The following MBNL2 variants were observed in gnomAD, a reference collection of about 807,000 sequenced individuals.
The protein encoded by MBNL2 is muscleblind like splicing regulator 2, also known as muscleblind-like protein 2.
A neutral mutation model predicts 41.9 loss-of-function variants in MBNL2; 17 were observed. The ratio of observed to expected loss-of-function variants is 0.41; its 90% CI spans 0.28 to 0.61. The LOEUF (loss-of-function observed/expected upper bound fraction) is 0.61, where lower values mean the gene tolerates loss of function less well. MBNL2 is among the 20% of genes least tolerant of loss of function. The probability of loss-of-function intolerance (pLI) is 0.35; values close to 1 mark genes in which losing one functional copy is unlikely to be tolerated. For missense variants in MBNL2, 336 were observed against 505.6 expected (o/e 0.66, Z 3.22); for synonymous variants, 195 against 182.9 (o/e 1.07, Z -0.53).
chr13:97,283,035 A>T (rs1327433274), intron 2 of MBNL2, among the ~76,000 whole-genome samples: 1 of 152,056 alleles, frequency 6.6e-6, no homozygotes, highest in Admixed American at 6.6e-5. Context: ...TTCCTTTAAC[A>T]TCTCCGTTTC....
At chr13:97,203,393 C>T in the MBNL2 span, among the ~76,000 whole-genome samples, 1 of 152,212 alleles carries the variant, frequency 6.6e-6, no homozygotes, top group Admixed American at 6.5e-5. Flanking sequence ...CTCTGTACAC[C>T]ACCTGCAGCA....
the MBNL2 span, among the ~76,000 whole-genome samples, chr13:97,211,551 A>G: frequency 0.059 from 9,016 of 152,292 alleles, 315 homozygotes; most frequent in African/African-American, 0.072. Context: ...GCAGAGATCT[A>G]TAAAGCTGTG....
intron 2 of MBNL2, among the ~76,000 whole-genome samples, chr13:97,278,636 A>G (rs6491347): frequency 0.57 from 86,403 of 152,028 alleles, 24,824 homozygotes; most frequent in East Asian, 0.66. Flanking sequence ...ATAAAAACAT[A>G]AGCCAAGTTG....
chr13:97,360,842 A>T (rs2063338090), intron 7 of MBNL2, among the ~76,000 whole-genome samples: 2 of 152,230 alleles, frequency 1.3e-5, no homozygotes, highest in Non-Finnish European at 2.9e-5. Flanking sequence ...GCCTTCCTTG[A>T]TTTATTTCAT....
At position 97,288,038 on chromosome 13, in the gene MBNL2, T is replaced by G. The variant is rs544375739; in HGVS notation, c.174+11629T>G. Among the ~76,000 whole-genome samples the G allele has an allele frequency of 1.8e-3, 277 of 151,136 alleles. 1 individual carries two copies. Among genetic ancestry groups the G allele is most frequent in the African/African-American group, 6.4e-3 (263 of 41,150 alleles). On this transcript the variant is annotated intron_variant, in intron 2 of 8. Transcript: ENST00000679496. ...ATCCACCTGCTTCGGCCTCCCAAAG[T>G]GCTGGGATTACAGCCATGAGCCACC...
At chr13:97,250,882 C>G (rs1433648660) in intron 1 of MBNL2, among the ~76,000 whole-genome samples, 1 of 152,130 alleles carries the variant, frequency 6.6e-6, no homozygotes, top group Non-Finnish European at 1.5e-5. Context: ...ATGGTATATA[C>G]AGCACAAGTA....
the MBNL2 span, among the ~76,000 whole-genome samples, chr13:97,192,139 C>T: frequency 4.0e-5 from 6 of 151,836 alleles, 1 homozygote; most frequent in South Asian, 1.2e-3. Context: ...GGAAGAAACT[C>T]GTATGAGAGA....
At chr13:97,358,626 T>C (rs908490782) in intron 7 of MBNL2, among the ~76,000 whole-genome samples, 4 of 152,178 alleles carry the variant, frequency 2.6e-5, no homozygotes, top group Non-Finnish European at 4.4e-5. Flanking sequence ...GTCACCATAA[T>C]TGACCATGTT....
At chr13:97,232,890 T>TGCGC (rs1438030656) in intron 1 of MBNL2, among the ~76,000 whole-genome samples, 37 of 134,568 alleles carry the variant, frequency 2.7e-4, no homozygotes, top group African/African-American at 7.0e-4. Flanking sequence ...TGTGTGTGTG[T>TGCGC]GCGCACGTAC....
chr13:97,198,475 TAATA>T, the MBNL2 span, among the ~76,000 whole-genome samples: 2 of 149,410 alleles, frequency 1.3e-5, no homozygotes, highest in African/African-American at 4.9e-5. Flanking sequence ...GCAGGGTATA[TAATA>T]AATCTTTAAT....
At chr13:97,259,683 T>C (rs1486059961) in intron 1 of MBNL2, among the ~76,000 whole-genome samples, 3 of 152,222 alleles carry the variant, frequency 2.0e-5, no homozygotes, top group African/African-American at 7.2e-5. Context: ...CCAATCACTG[T>C]ACAATCACAG....
intron 2 of MBNL2, among the ~76,000 whole-genome samples, chr13:97,301,412 T>C (rs2057607930): frequency 6.6e-6 from 1 of 152,316 alleles, no homozygotes; most frequent in South Asian, 2.1e-4. Context: ...TCTAGATAGA[T>C]CTAGATCTGC....
chr13:97,236,904 G>A (rs2043381997), intron 1 of MBNL2, among the ~76,000 whole-genome samples: 1 of 152,094 alleles, frequency 6.6e-6, no homozygotes, highest in African/African-American at 2.4e-5. Context: ...TTATTCAAAT[G>A]CATGAAAGCT....
intron 7 of MBNL2, among the ~76,000 whole-genome samples, chr13:97,360,188 A>G (rs538184619): frequency 9.3e-4 from 142 of 152,364 alleles, no homozygotes; most frequent in African/African-American, 3.3e-3. Flanking sequence ...AATATGAAAC[A>G]AAAATAGCAT....
intron 3 of MBNL2, among the ~76,000 whole-genome samples, chr13:97,339,964 A>T (rs1184024029): frequency 6.6e-6 from 1 of 151,846 alleles, no homozygotes; most frequent in East Asian, 1.9e-4. Flanking sequence ...TCAGACTAGG[A>T]GCCAGGAGTC....
chr13:97,347,116 C>T (rs907416586), intron 5 of MBNL2, 49 bp downstream of exon 5: 2 of 1,401,296 alleles, frequency 1.4e-6, no homozygotes, highest in Non-Finnish European at 1.9e-6. Flanking sequence ...TCTGCGGAGG[C>T]CGCTCCGGGC....
intron 5 of MBNL2, among the ~76,000 whole-genome samples, chr13:97,355,369 C>T (rs546283858): frequency 6.6e-6 from 1 of 152,136 alleles, no homozygotes; most frequent in Admixed American, 6.5e-5. Flanking sequence ...AATAAACATC[C>T]TTTATTTATC....
At chr13:97,360,161 T>G (rs1178324874) in intron 7 of MBNL2, among the ~76,000 whole-genome samples, 1 of 152,234 alleles carries the variant, frequency 6.6e-6, no homozygotes, top group South Asian at 2.1e-4. Flanking sequence ...TTTCTATAAA[T>G]GTTTTACGTA....
chr13:97,373,746 A>G (rs1412201678), intron 8 of MBNL2, among the ~76,000 whole-genome samples: 2 of 151,994 alleles, frequency 1.3e-5, no homozygotes, highest in African/African-American at 4.8e-5. Flanking sequence ...TAGACAATAG[A>G]CTTTTTATTT....
Sources: gnomAD v4.1 joint callset for allele counts (sites outside exome capture counted in the v4.1 genomes callset) on GRCh38, gnomAD v4.1.1 for gene constraint, MANE v1.5 for transcripts, NCBI Gene and HGNC (gene_info 2026-07-23, HGNC 2026-07-21) for gene names.